The following KCNG3 variants were observed in gnomAD, a reference collection of about 807,000 sequenced individuals.
KCNG3 encodes voltage-gated potassium channel regulatory subunit KCNG3.
In KCNG3, 15 loss-of-function variants were observed where a neutral mutation model predicts 29.0. The observed-to-expected ratio is 0.52, with a 90% CI of 0.35 to 0.80. KCNG3 has a LOEUF of 0.80. KCNG3 is among the 30% of genes least tolerant of loss of function. The pLI, the probability that KCNG3 is intolerant of heterozygous loss-of-function variation, is 0.01. For synonymous variants in KCNG3, 322 were observed against 248.9 expected (o/e 1.29, Z -2.76); for missense variants, 512 against 605.7 (o/e 0.85, Z 1.62).
intron 1 of KCNG3, among the ~76,000 whole-genome samples, chr2:42,472,133 G>T (rs1673304993): frequency 6.6e-6 from 1 of 152,152 alleles, no homozygotes; most frequent in Non-Finnish European, 1.5e-5. Context: ...ATGCATTAAA[G>T]AAGGTCTCCT....
intron 1 of KCNG3, among the ~76,000 whole-genome samples, chr2:42,456,972 T>C (rs1672892043): frequency 6.6e-6 from 1 of 152,172 alleles, no homozygotes. Context: ...ATTTTTTTCT[T>C]ACACACTTTA....
Position 42,444,300 on chromosome 2 carries a change from A to T in KCNG3, c.945T>A (p.Thr315=). The T allele has an allele frequency of 6.2e-7, 1 of 1,614,210 alleles. No individual in the cohort carries two copies. The highest frequency in any genetic ancestry group is 2.2e-5 in the East Asian group (1 of 44,890). The change falls in exon 2 of 2, where the codon ACT becomes ACA. Residue 315 remains threonine (T), a synonymous_variant. Coordinates refer to ENST00000306078, the MANE Select transcript of KCNG3 (RefSeq NM_133329.6). This position sits in a 1 kb window ranked among gnomAD's most constrained non-coding sequence, Gnocchi z 5.8. ...HFIGLQTLGL[T]LKRCYREMVM... ...CCATCTCTCGGTAGCAACGTTTGAG[A>T]GTCAAACCGAGTGTCTGAAGACCAA...
At chr2:42,465,638 C>T (rs1259081138) in intron 1 of KCNG3, among the ~76,000 whole-genome samples, 1 of 152,014 alleles carries the variant, frequency 6.6e-6, no homozygotes, top group Non-Finnish European at 1.5e-5. Flanking sequence ...TTAGACTTCA[C>T]CAAAATTTAA....
In KCNG3 at chr2:42,492,816, T is replaced by C. The variant is rs116276862; in HGVS notation, c.665+21A>G. The C allele has an allele frequency of 2.5e-3, 3,677 of 1,453,240 alleles. 66 individuals are homozygous for C. In the African/African-American group the frequency reaches 0.048, roughly 19 times the overall value. 90.0% of individuals were successfully genotyped at this position (1,453,240 alleles called of 1,614,324 possible). ...GACGCGACAGGACGGACGGGACGGG[T>C]AGAGAAGCAGTGCGTCCTACCCGGA... On this transcript the variant is annotated intron_variant, in intron 1 of 1. Coordinates refer to ENST00000306078, the MANE Select transcript of KCNG3 (RefSeq NM_133329.6).
the KCNG3 span, among the ~76,000 whole-genome samples, chr2:42,435,070 A>G: frequency 6.6e-6 from 1 of 152,190 alleles, no homozygotes; most frequent in Non-Finnish European, 1.5e-5. Flanking sequence ...TGGGAGGCCA[A>G]GGCGGGTGGA....
the KCNG3 span, among the ~76,000 whole-genome samples, chr2:42,403,550 G>C: frequency 2.1e-5 from 3 of 141,582 alleles, no homozygotes; most frequent in African/African-American, 7.9e-5. Context: ...CACAATCTCA[G>C]CTCACTGCAA....
the KCNG3 span, among the ~76,000 whole-genome samples, chr2:42,432,435 G>C: frequency 5.3e-5 from 8 of 152,312 alleles, no homozygotes; most frequent in African/African-American, 1.9e-4. Context: ...CTGTTTCTCA[G>C]CTCTTCTGCC....
intron 1 of KCNG3, among the ~76,000 whole-genome samples, chr2:42,456,943 T>C (rs893860322): frequency 1.1e-4 from 16 of 152,184 alleles, no homozygotes; most frequent in Non-Finnish European, 2.4e-4. Context: ...TAGGGTTTTT[T>C]TGAGAGGAAA....
chr2:42,426,032 T>C, the KCNG3 span, among the ~76,000 whole-genome samples: 17 of 152,242 alleles, frequency 1.1e-4, no homozygotes, highest in Admixed American at 2.0e-4. Context: ...CTGTAGAGAC[T>C]TTTTTCAGAT....
the KCNG3 span, among the ~76,000 whole-genome samples, chr2:42,404,022 T>G: frequency 6.6e-6 from 1 of 152,244 alleles, no homozygotes; most frequent in Non-Finnish European, 1.5e-5. Context: ...CTATTTTTCT[T>G]TTCTCTGGAA....
intron 1 of KCNG3, among the ~76,000 whole-genome samples, chr2:42,488,120 G>C (rs989888173): frequency 3.3e-5 from 5 of 152,184 alleles, no homozygotes; most frequent in African/African-American, 1.2e-4. Context: ...TGGAAGAATG[G>C]AGAAAGGCTT....
chr2:42,484,751 G>A lies in KCNG3; in HGVS notation c.665+8086C>T, dbSNP rs573478479. Among the ~76,000 whole-genome samples the A allele has an allele frequency of 5.3e-5, 8 of 152,266 alleles. No homozygotes were observed. The South Asian group carries it at 1.7e-3, about 32-fold the overall frequency. The stretch of plus-strand genomic sequence containing the variant: ...TTGAAAATAACTTGCTTACCAAAAG[G>A]TAGGGAAAAAAGAAGCACTCTGGTT... On this transcript the variant is annotated intron_variant, in intron 1 of 1. Transcript: ENST00000306078.
intron 1 of KCNG3, among the ~76,000 whole-genome samples, chr2:42,488,987 T>C (rs1053803139): frequency 2.0e-5 from 3 of 152,064 alleles, no homozygotes; most frequent in African/African-American, 4.8e-5. Context: ...CTCTGGCAAG[T>C]ACTAAGAATT....
chr2:42,427,638 G>C, the KCNG3 span, among the ~76,000 whole-genome samples: 66 of 151,818 alleles, frequency 4.3e-4, no homozygotes, highest in East Asian at 8.5e-3. Context: ...ACATAAAACT[G>C]AACTATCATT....
intron 1 of KCNG3, among the ~76,000 whole-genome samples, chr2:42,447,861 A>G (rs908171797): frequency 6.6e-6 from 1 of 152,284 alleles, no homozygotes; most frequent in Non-Finnish European, 1.5e-5. Context: ...ATCATTTCCC[A>G]CATGAGCAGA....
chr2:42,430,839 G>A, the KCNG3 span, among the ~76,000 whole-genome samples: 7 of 152,218 alleles, frequency 4.6e-5, no homozygotes, highest in Admixed American at 3.9e-4. Context: ...GCCAGGAGTG[G>A]TGGCTCACAC....
chr2:42,423,514 A>C, the KCNG3 span, among the ~76,000 whole-genome samples: 1 of 152,248 alleles, frequency 6.6e-6, no homozygotes, highest in East Asian at 1.9e-4. Flanking sequence ...AACTGCCAAA[A>C]CATGCCACTT....
chr2:42,389,002 C>T, the KCNG3 span, among the ~76,000 whole-genome samples: 1 of 152,168 alleles, frequency 6.6e-6, no homozygotes, highest in Non-Finnish European at 1.5e-5. Context: ...ACTGTAACCC[C>T]TATCTCCCAG....
chr2:42,452,770 G>GGTGT (rs57111452), intron 1 of KCNG3, among the ~76,000 whole-genome samples: 60,820 of 149,994 alleles, frequency 0.41, 12,683 homozygotes, highest in Middle Eastern at 0.57. Context: ...CATTCAACTG[G>GGTGT]GTGTGTGTGT....
Sources: gnomAD v4.1 joint callset for allele counts (sites outside exome capture counted in the v4.1 genomes callset) on GRCh38, gnomAD v4.1.1 for gene constraint, Gnocchi (gnomAD v3.1) non-coding constraint, MANE v1.5 for transcripts, NCBI Gene and HGNC (gene_info 2026-07-23, HGNC 2026-07-21) for gene names.